Variants in FOXP2 observed in about 807,000 individuals in gnomAD.
FOXP2 encodes forkhead box P2.
FOXP2 carries 12 observed loss-of-function variants against 115.8 expected under a neutral mutation model. The ratio of observed to expected loss-of-function variants is 0.10; its 90% confidence interval spans 0.07 to 0.17. The LOEUF is 0.17. FOXP2 is among the 10% of genes least tolerant of loss of function. The pLI is 1.00. For missense variants in FOXP2, 629 were observed against 843.5 expected (o/e 0.75, Z 3.15); for synonymous variants, 328 against 297.7 (o/e 1.10, Z -1.05).
At chr7:114,575,703 C>G (rs1325373914) in intron 3 of FOXP2, among the ~76,000 whole-genome samples, 2 of 151,840 alleles carry the variant, frequency 1.3e-5, no homozygotes, top group Non-Finnish European at 2.9e-5. Flanking sequence ...CCAGCTAAAG[C>G]ACATGAAGAT....
At chr7:114,531,718 G>T (rs77979311) in intron 2 of FOXP2, among the ~76,000 whole-genome samples, 6,981 of 151,938 alleles carry the variant, frequency 0.046, 257 homozygotes, top group Non-Finnish European at 0.066. Flanking sequence ...AGCTATTTTG[G>T]AGATAATGCA....
chr7:114,192,615 G>GTTC (rs1457183957), intron 1 of FOXP2, among the ~76,000 whole-genome samples: 1 of 152,080 alleles, frequency 6.6e-6, no homozygotes, highest in Non-Finnish European at 1.5e-5. Flanking sequence ...AAAAATCTAG[G>GTTC]TTGTTTCATA....
chr7:114,652,732 T>C (rs1240342398), intron 9 of FOXP2, among the ~76,000 whole-genome samples: 2 of 152,078 alleles, frequency 1.3e-5, no homozygotes, highest in Non-Finnish European at 2.9e-5. Context: ...AAAGATAACC[T>C]TTTCTTTTCT....
chr7:114,175,077 C>T (rs1330279386), intron 1 of FOXP2, among the ~76,000 whole-genome samples: 1 of 151,952 alleles, frequency 6.6e-6, no homozygotes, highest in Non-Finnish European at 1.5e-5. Context: ...GGATAAAATC[C>T]ATCAAGCTAA....
At chr7:114,281,440 A>C (rs772698601) in intron 1 of FOXP2, among the ~76,000 whole-genome samples, 7 of 152,040 alleles carry the variant, frequency 4.6e-5, no homozygotes, top group Non-Finnish European at 8.8e-5. Flanking sequence ...GTTTTGTGTA[A>C]ATATGATATT....
chr7:114,368,897 T>G (rs1470989569), intron 2 of FOXP2, among the ~76,000 whole-genome samples: 1 of 152,246 alleles, frequency 6.6e-6, no homozygotes, highest in Non-Finnish European at 1.5e-5. Flanking sequence ...CATAGTAGCT[T>G]AAAACAACAA....
chr7:114,178,282 C>A (rs1793369186), intron 1 of FOXP2, among the ~76,000 whole-genome samples: 1 of 151,948 alleles, frequency 6.6e-6, no homozygotes, highest in South Asian at 2.1e-4. Flanking sequence ...CTCCCAAGAT[C>A]TTTAGGTAAG....
intron 1 of FOXP2, among the ~76,000 whole-genome samples, chr7:114,131,444 A>T (rs1215483686): frequency 1.3e-5 from 2 of 152,162 alleles, no homozygotes; most frequent in Non-Finnish European, 2.9e-5. Context: ...AACAATATCT[A>T]AGTGACCTCT....
chr7:114,373,601 G>A (rs1792068765), intron 2 of FOXP2, among the ~76,000 whole-genome samples: 2 of 152,136 alleles, frequency 1.3e-5, no homozygotes, highest in Admixed American at 6.5e-5. Context: ...ACAAGTTGTT[G>A]AATTCAGAAG....
At chr7:114,326,478 GA>G (rs1797560098) in intron 2 of FOXP2, among the ~76,000 whole-genome samples, 1 of 152,138 alleles carries the variant, frequency 6.6e-6, no homozygotes, top group African/African-American at 2.4e-5. Context: ...ACATGATTAG[GA>G]ATGTAAAGCC....
intron 2 of FOXP2, among the ~76,000 whole-genome samples, chr7:114,328,075 C>T (rs1363962672): frequency 6.6e-6 from 1 of 151,340 alleles, no homozygotes; most frequent in East Asian, 2.0e-4. Context: ...TGCATACCAC[C>T]ATATTTGGCT....
chr7:114,603,422 G>A (rs1803138882), intron 3 of FOXP2, among the ~76,000 whole-genome samples: 1 of 152,212 alleles, frequency 6.6e-6, no homozygotes, highest in Admixed American at 6.5e-5. Flanking sequence ...AACTGTTCCT[G>A]ACCTTTTATG....
At chr7:114,125,921 G>T (rs145400141) in intron 1 of FOXP2, among the ~76,000 whole-genome samples, 2 of 152,074 alleles carry the variant, frequency 1.3e-5, no homozygotes, top group Admixed American at 1.3e-4. Flanking sequence ...TAATAAGAAT[G>T]TTACCTTAGT....
intron 2 of FOXP2, among the ~76,000 whole-genome samples, chr7:114,350,161 C>T (rs114149093): frequency 2.7e-3 from 413 of 152,070 alleles, no homozygotes; most frequent in African/African-American, 9.5e-3. Context: ...TTAAGTTCTG[C>T]GATATTTGTG....
At chr7:114,429,809 C>T (rs188918738) in intron 2 of FOXP2, among the ~76,000 whole-genome samples, 2 of 151,522 alleles carry the variant, frequency 1.3e-5, no homozygotes, top group African/African-American at 4.8e-5. Context: ...TTTGAATAAC[C>T]ATTTAAAAGC....
At chr7:114,551,730 T>A (rs1046542409) in intron 3 of FOXP2, among the ~76,000 whole-genome samples, 1 of 152,208 alleles carries the variant, frequency 6.6e-6, no homozygotes, top group East Asian at 1.9e-4. Context: ...AGTATTTTAA[T>A]AATTTTTTTA....
At chr7:114,210,519 CT>C (rs1453977205) in intron 1 of FOXP2, among the ~76,000 whole-genome samples, 1 of 152,084 alleles carries the variant, frequency 6.6e-6, no homozygotes, top group Non-Finnish European at 1.5e-5. Context: ...AATTTTTGCC[CT>C]GGAAGCTGTA....
chr7:114,266,178 T>A (rs1023619009), intron 1 of FOXP2, among the ~76,000 whole-genome samples: 1 of 152,132 alleles, frequency 6.6e-6, no homozygotes. Context: ...AGTTCCAAAT[T>A]TCCCCTCATC....
chr7:114,621,785 G>A (rs1048527518), intron 3 of FOXP2, among the ~76,000 whole-genome samples: 4 of 151,892 alleles, frequency 2.6e-5, no homozygotes, highest in Admixed American at 6.6e-5. Flanking sequence ...TGTACCCAGC[G>A]GCAGGAGGGT....
Sources: gnomAD v4.1 joint callset for allele counts (sites outside exome capture counted in the v4.1 genomes callset) on GRCh38, gnomAD v4.1.1 for gene constraint, MANE v1.5 for transcripts, NCBI Gene and HGNC (gene_info 2026-07-23, HGNC 2026-07-21) for gene names.